Variants in CNN1 observed in about 807,000 individuals in gnomAD.
The protein encoded by CNN1 is calponin 1.
CNN1 carries 21 observed loss-of-function variants against 35.3 expected under a neutral mutation model. The observed-to-expected ratio is 0.60, with a 90% CI of 0.42 to 0.86. CNN1 has a LOEUF of 0.86. CNN1 is among the 40% of genes least tolerant of loss of function. The pLI, the probability that CNN1 is intolerant of heterozygous loss-of-function variation, is 0.00. For synonymous variants in CNN1, 164 were observed against 161.8 expected, an observed-to-expected ratio of 1.01 and a Z score of -0.10; for missense variants, 314 against 400.8, an observed-to-expected ratio of 0.78 and a Z score of 1.85.
At chr19:11,546,646 C>A (rs370797928) in intron 2 of CNN1, 29 bp from the exon 3 acceptor site, 21 of 1,613,670 alleles carry the variant, frequency 1.3e-5, no homozygotes, top group Non-Finnish European at 1.5e-5. Flanking sequence ...GGGGGGACAC[C>A]TTTCTTACCC....
At chr19:11,544,218 A>G (rs1004703770) in intron 2 of CNN1, among the ~76,000 whole-genome samples, 7 of 152,008 alleles carry the variant, frequency 4.6e-5, no homozygotes, top group African/African-American at 1.2e-4. Context: ...GAGAGTCTGC[A>G]GTTTCCTAGA....
intron 1 of CNN1, chr19:11,539,812 G>A: frequency 4.2e-6 from 5 of 1,178,672 alleles, no homozygotes; most frequent in Non-Finnish European, 5.3e-6. Context: ...GGCTGGAGGA[G>A]GGGGCTGGTG....
Position 11,546,823 on chromosome 19 carries a change from C to G in CNN1, c.253-9C>G. Reference sequence around the variant, plus strand: ...CCCCACCCAGTGACCACCACCTGCCCCCCTCTAGCTGGAGAACATCGGCAA... The same window carrying G: ...CCCCACCCAGTGACCACCACCTGCCGCCCTCTAGCTGGAGAACATCGGCAA... On this transcript the variant is annotated splice_polypyrimidine_tract_variant and intron_variant, in intron 3 of 6. Coordinates refer to ENST00000252456, the MANE Select transcript of CNN1 (RefSeq NM_001299.6). 1 of 1,614,248 alleles carries G rather than the reference C, an allele frequency of 6.2e-7. No homozygotes were observed. Among genetic ancestry groups the G allele is most frequent in the South Asian group, 1.1e-5 (1 of 91,084 alleles).
chr19:11,539,998 G>T, intron 1 of CNN1: 1 of 1,065,410 alleles, frequency 9.4e-7, no homozygotes, highest in Non-Finnish European at 1.1e-6. Flanking sequence ...CTGGTGGCGT[G>T]GGGGGCGGCA....
At chr19:11,540,986 A>T (rs945766141) in intron 1 of CNN1, 90 bp from the exon 2 acceptor site, 1 of 1,375,598 alleles carries the variant, frequency 7.3e-7, no homozygotes, top group South Asian at 1.5e-5. Flanking sequence ...ATCAGGCTCT[A>T]GGAAGTTCAG....
At chr19:11,547,090 A>AGGGATCGG in intron 4 of CNN1, 121 bp downstream of exon 4, 8 of 1,453,872 alleles carry the variant, frequency 5.5e-6, no homozygotes, top group Non-Finnish European at 7.5e-6. Context: ...ATCGGGGAGC[A>AGGGATCGG]GGTGCTGTCA....
At chr19:11,540,421 G>C (rs949762423) in intron 1 of CNN1, 7 of 152,834 alleles carry the variant, frequency 4.6e-5, no homozygotes, top group Non-Finnish European at 5.8e-5. Flanking sequence ...TAGCCACCTA[G>C]AGAGATGGGG....
At position 11,549,781 on chromosome 19, in the gene CNN1, T is replaced by C. The variant is rs1429198242; in HGVS notation, c.880T>C (p.Tyr294His). 5 of 1,608,234 alleles carry C rather than the reference T, an allele frequency of 3.1e-6. No homozygotes were observed. Among genetic ancestry groups the C allele is most frequent in the South Asian group, 2.2e-5 (2 of 90,594 alleles). ...CCACAACCACCACGCACACAACTAC[T>C]ACAATTCCGCCTAGGGCCACAAGGC... ...PAHNHHAHNY[Y>H]NSA The change falls in exon 7 of 7, where the codon TAC becomes CAC. Residue 294 changes from tyrosine to histidine, a missense_variant. Transcript: ENST00000252456. This position sits in a 1 kb window ranked among gnomAD's most constrained non-coding sequence, Gnocchi z 5.2.
chr19:11,544,395 A>G (rs893857073), intron 2 of CNN1, among the ~76,000 whole-genome samples: 5 of 152,132 alleles, frequency 3.3e-5, no homozygotes, highest in Admixed American at 2.6e-4. Context: ...GGCTGGCGTG[A>G]CGAGCACCAA....
At chr19:11,539,555 T>C in intron 1 of CNN1, 1 of 1,080,256 alleles carries the variant, frequency 9.3e-7, no homozygotes, top group Non-Finnish European at 1.2e-6. Context: ...ATAGCTGGGG[T>C]CCCAGGTAAA....
Position 11,549,823 on chromosome 19 carries a change from C to G in CNN1, c.*28C>G, listed in dbSNP as rs558693652. 4 of 1,575,540 alleles carry G rather than the reference C, an allele frequency of 2.5e-6. No individual in the cohort carries two copies. The highest frequency in any genetic ancestry group is 1.7e-5 in the Admixed American group (1 of 57,354). On this transcript the variant is annotated 3_prime_UTR_variant, in exon 7 of 7. Coordinates refer to ENST00000252456, the MANE Select transcript of CNN1 (RefSeq NM_001299.6). The surrounding 1 kb of genome is among the most constrained non-coding windows in gnomAD (Gnocchi z 5.2). The stretch of plus-strand genomic sequence containing the variant: ...CCACAAGGCCTTCCCTGTTTTCCCC[C>G]CAAGGGAGGCTGCTGCTGCTCTTGG...
chr19:11,547,416 A>G (rs1972614209), intron 4 of CNN1, among the ~76,000 whole-genome samples: 1 of 148,334 alleles, frequency 6.7e-6, no homozygotes, highest in Admixed American at 6.8e-5. Context: ...AACAAAAAAC[A>G]AAAAACAGTG....
At chr19:11,548,051 C>G in intron 5 of CNN1, 144 bp downstream of exon 5, 1 of 554,912 alleles carries the variant, frequency 1.8e-6, no homozygotes, top group Middle Eastern at 4.4e-4. Context: ...TTCACAAACT[C>G]ACTCACTCTG....
At chr19:11,540,144 G>A in intron 1 of CNN1, 1 of 774,512 alleles carries the variant, frequency 1.3e-6, no homozygotes, top group Non-Finnish European at 1.6e-6. Flanking sequence ...TGGGAGTGGA[G>A]TGGGGGAGGG....
At position 11,549,199 on chromosome 19, in the gene CNN1, AAT is replaced by A; in HGVS notation, c.502-122_502-121del. 6.3e-6 allele frequency: 7 copies of A among 1,113,408 alleles called. No homozygotes were observed. The highest frequency in any genetic ancestry group is 8.6e-6 in the Non-Finnish European group (7 of 815,690). 69.0% of individuals were successfully genotyped at this position (1,113,408 alleles called of 1,614,324 possible). Reference sequence around the variant, plus strand: ...CAAGACTCCGTCTCAAAAAAAAATAAATAAAATAAAATAAAAATTGAAAAAAA... The same window carrying A: ...CAAGACTCCGTCTCAAAAAAAAATAAAAAATAAAATAAAAATTGAAAAAAA... On this transcript the variant is annotated intron_variant, in intron 5 of 6. Coordinates refer to ENST00000252456, the MANE Select transcript of CNN1 (RefSeq NM_001299.6). The surrounding 1 kb of genome is among the most constrained non-coding windows in gnomAD (Gnocchi z 5.2).
rs180793245 is a variant in CNN1, at chr19:11,542,871, G to A, written c.185+1674G>A. On this transcript the variant is annotated intron_variant, in intron 2 of 6. Transcript: ENST00000252456. ...TTATAGGCGTGAGCCACCGCGCCCGGCTCCACTGCAATCTTAATGCATAGC... is the reference window on the plus strand; with the variant it reads ...TTATAGGCGTGAGCCACCGCGCCCGACTCCACTGCAATCTTAATGCATAGC... Among the ~76,000 whole-genome samples, 390 of 152,300 alleles carry A rather than the reference G, an allele frequency of 2.6e-3. 3 individuals are homozygous for A. Among genetic ancestry groups the A allele is most frequent in the Non-Finnish European group, 4.3e-3 (292 of 68,030 alleles).
intron 2 of CNN1, among the ~76,000 whole-genome samples, chr19:11,543,903 T>C (rs1040544337): frequency 6.0e-5 from 9 of 150,618 alleles, no homozygotes; most frequent in African/African-American, 2.2e-4. Flanking sequence ...ACCCCAGAAG[T>C]TAAAGTATAA....
chr19:11,548,190 A>G (rs1972634840), intron 5 of CNN1, among the ~76,000 whole-genome samples: 1 of 152,198 alleles, frequency 6.6e-6, no homozygotes, highest in African/African-American at 2.4e-5. Flanking sequence ...TGGAACTTCA[A>G]TGCTAGAAGT....
In CNN1 at chr19:11,548,604, G is replaced by A. The variant is rs542319167; in HGVS notation, c.501+697G>A. 3.0e-3 allele frequency among the ~76,000 whole-genome samples: 461 copies of A among 152,018 alleles called. 5 individuals carry two copies. Among genetic ancestry groups the A allele is most frequent in the African/African-American group, 0.01 (435 of 41,462 alleles). ...AGTAATCCTAGCACTTCGGGAGGCC[G>A]AGGCAGGCGGATCACTTAAAGTCAA... On this transcript the variant is annotated intron_variant, in intron 5 of 6. Transcript: ENST00000252456.
Sources: gnomAD v4.1 joint callset for allele counts (sites outside exome capture counted in the v4.1 genomes callset) on GRCh38, gnomAD v4.1.1 for gene constraint, Gnocchi (gnomAD v3.1) non-coding constraint, MANE v1.5 for transcripts, NCBI Gene and HGNC (gene_info 2026-07-23, HGNC 2026-07-21) for gene names.